SGCZ: variants seen among roughly 807,000 people sequenced by gnomAD.
SGCZ encodes the protein sarcoglycan zeta.
Under a neutral mutation model 41.3 loss-of-function variants are expected in SGCZ, and 40 were observed. The observed-to-expected ratio is 0.97, with a 90% CI of 0.75 to 1.26. The LOEUF is 1.26. SGCZ is among the 50% of genes most tolerant of loss of function. The pLI is 0.00. For synonymous variants in SGCZ, 206 were observed against 137.5 expected, an observed-to-expected ratio of 1.50 and a Z score of -3.49; for missense variants, 552 against 369.8, an observed-to-expected ratio of 1.49 and a Z score of -4.04.
At chr8:14,117,074 G>A (rs1218212136) in intron 5 of SGCZ, among the ~76,000 whole-genome samples, 2 of 151,974 alleles carry the variant, frequency 1.3e-5, no homozygotes. Context: ...TATCTTTAAA[G>A]ATGGCATGTA....
intron 1 of SGCZ, among the ~76,000 whole-genome samples, chr8:14,579,783 C>T (rs569662746): frequency 1.3e-5 from 2 of 152,194 alleles, no homozygotes; most frequent in South Asian, 2.1e-4. Context: ...ATGAGTTTTA[C>T]GTTCATAGGC....
At chr8:14,477,161 T>C (rs1288931001) in intron 2 of SGCZ, among the ~76,000 whole-genome samples, 5 of 152,212 alleles carry the variant, frequency 3.3e-5, no homozygotes, top group African/African-American at 1.2e-4. Flanking sequence ...AGTAATAGAT[T>C]ATAAACATCA....
chr8:14,872,681 G>C (rs1353346703), intron 1 of SGCZ, among the ~76,000 whole-genome samples: 1 of 152,048 alleles, frequency 6.6e-6, no homozygotes, highest in African/African-American at 2.4e-5. Context: ...TGCTGGGTTT[G>C]TATCATCAAC....
intron 2 of SGCZ, among the ~76,000 whole-genome samples, chr8:14,358,326 C>T (rs192780568): frequency 6.6e-6 from 1 of 151,996 alleles, no homozygotes; most frequent in East Asian, 1.9e-4. Context: ...GAGTTTTTTC[C>T]ATATTGCACA....
At position 14,257,318 on chromosome 8, in the gene SGCZ, G is replaced by A. The variant is rs117988691; in HGVS notation, c.337-19639C>T. 1.0e-3 allele frequency among the ~76,000 whole-genome samples: 157 copies of A among 151,398 alleles called. 2 individuals are homozygous for A. In the East Asian group the frequency reaches 0.025, roughly 24 times the overall value. ...TCACTCCCTCACTCCACTCACTCCA[G>A]CCTGGGCAATGGAGTGAGACCCTGT... is the stretch of plus-strand genomic sequence containing the variant. On this transcript the variant is annotated intron_variant, in intron 3 of 7. Transcript: ENST00000382080.
At position 15,238,211 on chromosome 8, in the gene SGCZ, G is replaced by A. The variant is rs1399151692; in HGVS notation, c.-588C>T. 6.6e-6 allele frequency: 1 copy of A among 152,336 alleles called. No individual in the cohort carries two copies. The highest frequency in any genetic ancestry group is 2.4e-5 in the African/African-American group (1 of 41,454). The allele number at this position is 152,336 out of a possible 1,614,324, so 9.4% of individuals were successfully genotyped here. A position where few individuals can be genotyped will look rare whatever the true frequency, so the allele number is the denominator to read the frequency against. ...TTAAAAAATGTCTTGTAGCTGAGAG[G>A]TATTTTCTCAGTGGGGAAAAGAAGA... On this transcript the variant is annotated 5_prime_UTR_variant, in exon 1 of 8. Transcript: ENST00000382080.
intron 1 of SGCZ, among the ~76,000 whole-genome samples, chr8:15,153,484 A>G (rs1017838565): frequency 1.3e-5 from 2 of 152,186 alleles, no homozygotes; most frequent in African/African-American, 4.8e-5. Flanking sequence ...TAGTTTGAAC[A>G]TATGTCCCCA....
At chr8:15,148,968 G>C (rs570083882) in intron 1 of SGCZ, among the ~76,000 whole-genome samples, 1 of 152,128 alleles carries the variant, frequency 6.6e-6, no homozygotes, top group Non-Finnish European at 1.5e-5. Flanking sequence ...AAGCAAACAC[G>C]TATCACAGAT....
intron 1 of SGCZ, among the ~76,000 whole-genome samples, chr8:14,820,778 T>G (rs996074606): frequency 2.0e-5 from 3 of 151,784 alleles, no homozygotes; most frequent in African/African-American, 7.2e-5. Context: ...TCTAAAAATT[T>G]TTCTTGAGAC....
rs183065243 is a variant in SGCZ, at chr8:14,403,616, G to T, written c.235-79412C>A. 8.5e-5 allele frequency among the ~76,000 whole-genome samples: 13 copies of T among 152,182 alleles called. No homozygotes were observed. The East Asian group carries it at 1.9e-3, about 23-fold the overall frequency. The stretch of plus-strand genomic sequence containing the variant: ...TTATTGATTCGCGTATATTGAACCA[G>T]CCTTGCATCAATCACAATTTATTTA... On this transcript the variant is annotated intron_variant, in intron 2 of 7. Coordinates refer to ENST00000382080, the MANE Select transcript of SGCZ (RefSeq NM_139167.4).
At chr8:15,048,713 G>C (rs943152486) in intron 1 of SGCZ, among the ~76,000 whole-genome samples, 2 of 151,978 alleles carry the variant, frequency 1.3e-5, no homozygotes, top group Non-Finnish European at 2.9e-5. Context: ...AAAATAATAA[G>C]AATATCTGTT....
chr8:14,383,708 G>A (rs1181905108), intron 2 of SGCZ, among the ~76,000 whole-genome samples: 1 of 152,168 alleles, frequency 6.6e-6, no homozygotes, highest in Non-Finnish European at 1.5e-5. Context: ...CACTGGTTGG[G>A]AAAGAGTGAA....
chr8:14,267,926 T>C (rs939772285), intron 3 of SGCZ, among the ~76,000 whole-genome samples: 16 of 151,958 alleles, frequency 1.1e-4, no homozygotes, highest in Admixed American at 2.6e-4. Context: ...TTCTCTTACA[T>C]CAGTTGCTAG....
chr8:15,074,194 C>A (rs115240768), intron 1 of SGCZ, among the ~76,000 whole-genome samples: 1 of 152,080 alleles, frequency 6.6e-6, no homozygotes, highest in Non-Finnish European at 1.5e-5. Flanking sequence ...TTCCTCTCCC[C>A]CTTCTCATAA....
intron 4 of SGCZ, among the ~76,000 whole-genome samples, chr8:14,206,482 AG>A (rs1333458488): frequency 6.6e-6 from 1 of 152,212 alleles, no homozygotes; most frequent in Non-Finnish European, 1.5e-5. Flanking sequence ...ATTTATACAA[AG>A]AAAAATCTAA....
chr8:14,359,554 CTT>C (rs1803429387), intron 2 of SGCZ, among the ~76,000 whole-genome samples: 1 of 151,910 alleles, frequency 6.6e-6, no homozygotes, highest in Non-Finnish European at 1.5e-5. Context: ...TGGAATAAAA[CTT>C]AAAATAAATA....
At chr8:14,828,267 G>A (rs1459626602) in intron 1 of SGCZ, among the ~76,000 whole-genome samples, 3 of 152,092 alleles carry the variant, frequency 2.0e-5, no homozygotes, top group Non-Finnish European at 4.4e-5. Flanking sequence ...TGAAGATGAA[G>A]CCTGCAGGAA....
intron 1 of SGCZ, among the ~76,000 whole-genome samples, chr8:15,190,436 C>T (rs1007424190): frequency 6.6e-6 from 1 of 152,076 alleles, no homozygotes; most frequent in African/African-American, 2.4e-5. Flanking sequence ...GGTTAAGACT[C>T]ACTCTCAGCC....
At chr8:14,726,910 G>C (rs1404416939) in intron 1 of SGCZ, among the ~76,000 whole-genome samples, 1 of 151,726 alleles carries the variant, frequency 6.6e-6, no homozygotes, top group African/African-American at 2.4e-5. Context: ...AAAGTATTAA[G>C]GTAAAAAACT....
Sources: gnomAD v4.1 joint callset for allele counts (sites outside exome capture counted in the v4.1 genomes callset) on GRCh38, gnomAD v4.1.1 for gene constraint, MANE v1.5 for transcripts, NCBI Gene and HGNC (gene_info 2026-07-23, HGNC 2026-07-21) for gene names.